Variants in SLC14A2 observed in about 807,000 individuals in gnomAD.
The protein encoded by SLC14A2 is solute carrier family 14 member 2.
In SLC14A2, 91 loss-of-function variants were observed where a neutral mutation model predicts 104.6. The ratio of observed to expected loss-of-function variants is 0.87; its 90% confidence interval spans 0.73 to 1.04. SLC14A2 has a LOEUF of 1.04. SLC14A2 is among the 50% of genes least tolerant of loss of function. The pLI, the probability that SLC14A2 is intolerant of heterozygous loss-of-function variation, is 0.00. For missense variants in SLC14A2, 1,189 were observed against 1,156.0 expected, an observed-to-expected ratio of 1.03 and a Z score of -0.41; for synonymous variants, 476 against 466.4, an observed-to-expected ratio of 1.02 and a Z score of -0.27.
intron 1 of SLC14A2, among the ~76,000 whole-genome samples, chr18:45,272,799 A>C (rs548343265): frequency 6.6e-6 from 1 of 152,222 alleles, no homozygotes; most frequent in South Asian, 2.1e-4. Flanking sequence ...GCTTGAGGGG[A>C]TGGATACCCC....
At chr18:45,232,337 A>G (rs1055643987) in intron 1 of SLC14A2, among the ~76,000 whole-genome samples, 1 of 152,194 alleles carries the variant, frequency 6.6e-6, no homozygotes, top group Non-Finnish European at 1.5e-5. Context: ...GTCAGATCTT[A>G]TGAGAACTCA....
At chr18:45,593,210 G>T (rs2044675232) in intron 2 of SLC14A2, among the ~76,000 whole-genome samples, 1 of 151,678 alleles carries the variant, frequency 6.6e-6, no homozygotes, top group Admixed American at 6.6e-5. Flanking sequence ...CCAGCTACTC[G>T]GGAGGCTGAG....
intron 1 of SLC14A2, among the ~76,000 whole-genome samples, chr18:45,352,975 C>G (rs534878642): frequency 6.6e-6 from 1 of 152,148 alleles, no homozygotes; most frequent in Admixed American, 6.5e-5. Context: ...ATACAGAAAT[C>G]AAAAGTGAGG....
intron 1 of SLC14A2, among the ~76,000 whole-genome samples, chr18:45,226,872 AGATAG>A (rs201519675): frequency 0.014 from 2,106 of 152,214 alleles, 41 homozygotes; most frequent in African/African-American, 0.047. Flanking sequence ...TCACTTAAAT[AGATAG>A]AAGTTTATTT....
At chr18:45,318,449 A>G (rs1040668453) in intron 1 of SLC14A2, among the ~76,000 whole-genome samples, 1 of 152,136 alleles carries the variant, frequency 6.6e-6, no homozygotes, top group Non-Finnish European at 1.5e-5. Context: ...CAAGTGAGAG[A>G]GTCCGTGTGA....
intron 1 of SLC14A2, among the ~76,000 whole-genome samples, chr18:45,429,254 C>T (rs937256476): frequency 3.3e-5 from 5 of 152,186 alleles, no homozygotes; most frequent in African/African-American, 9.7e-5. Flanking sequence ...TAAAAGTCTA[C>T]TTATTACATG....
intron 1 of SLC14A2, among the ~76,000 whole-genome samples, chr18:45,432,952 A>C (rs2086540086): frequency 6.6e-6 from 1 of 152,174 alleles, no homozygotes; most frequent in African/African-American, 2.4e-5. Context: ...TGAGAGCCCA[A>C]AGGCCTATTT....
intron 2 of SLC14A2, among the ~76,000 whole-genome samples, chr18:45,560,618 A>T (rs1016441256): frequency 5.3e-5 from 8 of 152,218 alleles, no homozygotes; most frequent in Admixed American, 5.2e-4. Flanking sequence ...CCTATGGAGG[A>T]ATGAAAAGTG....
chr18:45,255,847 G>A (rs1465741854), intron 1 of SLC14A2, among the ~76,000 whole-genome samples: 1 of 152,150 alleles, frequency 6.6e-6, no homozygotes, highest in Non-Finnish European at 1.5e-5. Flanking sequence ...GGTGTCCTTG[G>A]CAGAGTTTTG....
chr18:45,664,904 C>G (rs1031688022), intron 11 of SLC14A2, among the ~76,000 whole-genome samples: 3 of 152,102 alleles, frequency 2.0e-5, no homozygotes, highest in Non-Finnish European at 4.4e-5. Context: ...ATAAATTCCT[C>G]CTAACATCGT....
intron 1 of SLC14A2, among the ~76,000 whole-genome samples, chr18:45,378,727 A>G (rs1040729956): frequency 6.6e-6 from 1 of 152,230 alleles, no homozygotes; most frequent in Non-Finnish European, 1.5e-5. Flanking sequence ...GTCCTGGAAC[A>G]CATAAATGCT....
intron 1 of SLC14A2, among the ~76,000 whole-genome samples, chr18:45,240,877 C>G (rs1213363424): frequency 6.6e-6 from 1 of 151,984 alleles, no homozygotes; most frequent in Non-Finnish European, 1.5e-5. Flanking sequence ...CCAGGCTGGT[C>G]TCGAACACCT....
At chr18:45,231,883 A>G (rs1274660306) in intron 1 of SLC14A2, among the ~76,000 whole-genome samples, 5 of 152,164 alleles carry the variant, frequency 3.3e-5, no homozygotes, top group Admixed American at 2.6e-4. Flanking sequence ...GATGAAAGCA[A>G]TTCTTCAAAT....
At chr18:45,221,415 G>A (rs1461674786) in intron 1 of SLC14A2, among the ~76,000 whole-genome samples, 1 of 152,036 alleles carries the variant, frequency 6.6e-6, no homozygotes, top group African/African-American at 2.4e-5. Context: ...GCATCCTGTG[G>A]TCTCCTACGG....
chr18:45,564,972 G>C (rs1568278412), intron 2 of SLC14A2, among the ~76,000 whole-genome samples: 1 of 152,140 alleles, frequency 6.6e-6, no homozygotes, highest in Non-Finnish European at 1.5e-5. Flanking sequence ...GGGTAGGATG[G>C]GAAGGCCCAG....
chr18:45,651,741 G>A (rs2045741274), intron 10 of SLC14A2, among the ~76,000 whole-genome samples: 1 of 152,150 alleles, frequency 6.6e-6, no homozygotes, highest in African/African-American at 2.4e-5. Flanking sequence ...ATAAAGAGGA[G>A]TTATCGCCGA....
At chr18:45,363,268 G>A (rs577836426) in intron 1 of SLC14A2, among the ~76,000 whole-genome samples, 16 of 152,108 alleles carry the variant, frequency 1.1e-4, no homozygotes, top group African/African-American at 3.1e-4. Context: ...CTCACTTTCG[G>A]GTCCTTAGCA....
chr18:45,242,286 G>A (rs185987179), intron 1 of SLC14A2, among the ~76,000 whole-genome samples: 64 of 152,124 alleles, frequency 4.2e-4, no homozygotes, highest in South Asian at 6.3e-4. Flanking sequence ...AAATGTTCCC[G>A]TGCTACATTT....
At chr18:45,565,958 G>GT (rs2044260350) in intron 2 of SLC14A2, among the ~76,000 whole-genome samples, 1 of 152,226 alleles carries the variant, frequency 6.6e-6, no homozygotes, top group Non-Finnish European at 1.5e-5. Context: ...CAAGGCACTA[G>GT]AGTGTCAGGT....
Sources: gnomAD v4.1 joint callset for allele counts (sites outside exome capture counted in the v4.1 genomes callset) on GRCh38, gnomAD v4.1.1 for gene constraint, MANE v1.5 for transcripts, NCBI Gene and HGNC (gene_info 2026-07-23, HGNC 2026-07-21) for gene names.